Variants in NRXN3 observed in about 807,000 individuals in gnomAD.
NRXN3 encodes the protein neurexin 3, also known as neurexin III.
NRXN3 carries 32 observed loss-of-function variants against 137.6 expected under a neutral mutation model. That is an observed-to-expected ratio of 0.23 (90% confidence interval 0.18 to 0.31). The LOEUF (loss-of-function observed/expected upper bound fraction) is 0.31. Ranked by LOEUF, NRXN3 falls within the 10% of genes least tolerant of loss-of-function variation. The pLI, the probability that NRXN3 is intolerant of heterozygous loss-of-function variation, is 1.00. For missense variants in NRXN3, 1,574 were observed against 2,062.5 expected (o/e 0.76, Z 4.59); for synonymous variants, 798 against 784.5 (o/e 1.02, Z -0.29).
chr14:78,420,426 G>A (rs1379189182), intron 4 of NRXN3, among the ~76,000 whole-genome samples: 1 of 152,028 alleles, frequency 6.6e-6, no homozygotes, highest in Non-Finnish European at 1.5e-5. Context: ...GTTATAGAGA[G>A]GGATGCAATA....
intron 1 of NRXN3, among the ~76,000 whole-genome samples, chr14:78,187,610 G>A (rs2060344497): frequency 6.6e-6 from 1 of 152,116 alleles, no homozygotes; most frequent in African/African-American, 2.4e-5. Flanking sequence ...TAATAACGAT[G>A]GCCAAATTCT....
At chr14:78,959,508 C>T (rs1215527482) in intron 11 of NRXN3, among the ~76,000 whole-genome samples, 3 of 151,982 alleles carry the variant, frequency 2.0e-5, no homozygotes, top group Admixed American at 2.0e-4. Flanking sequence ...ATTAAAGTCT[C>T]CTAAGAAACT....
At chr14:78,621,093 C>G (rs2097399586) in intron 4 of NRXN3, among the ~76,000 whole-genome samples, 1 of 152,094 alleles carries the variant, frequency 6.6e-6, no homozygotes, top group African/African-American at 2.4e-5. Context: ...GAATATGAGC[C>G]AAGTTCAGTC....
At chr14:79,805,499 G>A (rs2099200858) in intron 20 of NRXN3, among the ~76,000 whole-genome samples, 1 of 152,048 alleles carries the variant, frequency 6.6e-6, no homozygotes, top group Non-Finnish European at 1.5e-5. Flanking sequence ...AGCAGCAAAT[G>A]TGTAGGAGCC....
chr14:78,332,234 C>A (rs1469210312), intron 4 of NRXN3, among the ~76,000 whole-genome samples: 2 of 152,098 alleles, frequency 1.3e-5, no homozygotes, highest in Non-Finnish European at 2.9e-5. Context: ...TCCCTTATCT[C>A]CCTTCAATTC....
At chr14:79,426,362 C>A (rs948219149) in intron 15 of NRXN3, among the ~76,000 whole-genome samples, 3 of 152,104 alleles carry the variant, frequency 2.0e-5, no homozygotes, top group African/African-American at 7.2e-5. Flanking sequence ...CCTCAGGAGA[C>A]TGTAGAGAAA....
chr14:79,002,068 G>A (rs1421934826), intron 15 of NRXN3, among the ~76,000 whole-genome samples: 1 of 152,126 alleles, frequency 6.6e-6, no homozygotes, highest in Admixed American at 6.6e-5. Context: ...GCTTACTATA[G>A]TTTCCTCTAG....
intron 8 of NRXN3, among the ~76,000 whole-genome samples, chr14:78,776,355 T>C (rs992703388): frequency 2.6e-5 from 4 of 152,188 alleles, no homozygotes; most frequent in Non-Finnish European, 5.9e-5. Context: ...ATACCTTCTT[T>C]GTGTAGATCC....
At chr14:78,195,902 A>G (rs2061184296) in intron 1 of NRXN3, among the ~76,000 whole-genome samples, 2 of 152,342 alleles carry the variant, frequency 1.3e-5, no homozygotes, top group Middle Eastern at 3.4e-3. Flanking sequence ...CTTGTAAACT[A>G]TCCTCAGACC....
intron 19 of NRXN3, among the ~76,000 whole-genome samples, chr14:79,775,672 A>G (rs2139951238): frequency 6.6e-6 from 1 of 152,164 alleles, no homozygotes; most frequent in Admixed American, 6.5e-5. Flanking sequence ...CTAGGTCAGA[A>G]GTGGGGAGCA....
intron 10 of NRXN3, among the ~76,000 whole-genome samples, chr14:78,865,760 G>A (rs2099085178): frequency 6.6e-6 from 1 of 152,116 alleles, no homozygotes; most frequent in East Asian, 1.9e-4. Flanking sequence ...AGGCATTGTT[G>A]TAGATGTCAC....
Position 79,560,597 on chromosome 14 carries a change from G to A in NRXN3, c.3444+93195G>A, listed in dbSNP as rs529527079. On this transcript the variant is annotated intron_variant, in intron 16 of 20. Transcript: ENST00000335750. ...ACAATCTCGGCTCACTGCAACCTCC[G>A]CCTCTTGGGTTGAAGCCATTCCCCT... Among the ~76,000 whole-genome samples, 36 of 133,252 alleles carry A rather than the reference G, an allele frequency of 2.7e-4. No individual in the cohort carries two copies. The South Asian group carries it at 3.7e-3, about 14-fold the overall frequency. The allele number at this position is 133,252 out of a possible 152,430, so 87.4% of individuals were successfully genotyped here.
intron 20 of NRXN3, among the ~76,000 whole-genome samples, chr14:79,817,630 A>G (rs770068199): frequency 2.0e-5 from 3 of 152,240 alleles, no homozygotes; most frequent in Non-Finnish European, 4.4e-5. Flanking sequence ...TATCAAGGTC[A>G]CACAGCAAGG....
chr14:78,653,759 TAGAG>T (rs749841114), intron 6 of NRXN3, among the ~76,000 whole-genome samples: 3 of 136,570 alleles, frequency 2.2e-5, no homozygotes, highest in East Asian at 2.6e-4. Flanking sequence ...GCTGCCCAGA[TAGAG>T]AGCAGAAAGC....
intron 15 of NRXN3, among the ~76,000 whole-genome samples, chr14:79,394,969 A>G (rs1478057505): frequency 2.6e-5 from 4 of 152,290 alleles, no homozygotes; most frequent in African/African-American, 9.6e-5. Context: ...GTGTCTAGCC[A>G]TTTTACCCAG....
At chr14:79,064,213 G>C (rs1244056118) in intron 15 of NRXN3, among the ~76,000 whole-genome samples, 1 of 152,114 alleles carries the variant, frequency 6.6e-6, no homozygotes, top group African/African-American at 2.4e-5. Context: ...TAGAGCCCAG[G>C]TGTTTTTCTC....
chr14:79,254,382 G>A (rs2076310780), intron 15 of NRXN3, among the ~76,000 whole-genome samples: 2 of 152,180 alleles, frequency 1.3e-5, no homozygotes, highest in African/African-American at 4.8e-5. Flanking sequence ...CAGTGGGGAA[G>A]ATCAGCTCAT....
At chr14:79,789,343 G>T (rs530144965) in intron 19 of NRXN3, among the ~76,000 whole-genome samples, 24 of 152,168 alleles carry the variant, frequency 1.6e-4, no homozygotes, top group Non-Finnish European at 2.6e-4. Flanking sequence ...GAGGTGTGAC[G>T]GGGAGCAGGA....
intron 15 of NRXN3, among the ~76,000 whole-genome samples, chr14:79,215,213 T>C (rs77461928): frequency 0.019 from 2,851 of 152,298 alleles, 87 homozygotes; most frequent in African/African-American, 0.065. Flanking sequence ...GATATAACTT[T>C]CCTGGAGCTG....
Sources: gnomAD v4.1 joint callset for allele counts (sites outside exome capture counted in the v4.1 genomes callset) on GRCh38, gnomAD v4.1.1 for gene constraint, MANE v1.5 for transcripts, NCBI Gene and HGNC (gene_info 2026-07-23, HGNC 2026-07-21) for gene names.